SNX18: variants seen among roughly 807,000 people sequenced by gnomAD.
SNX18 encodes sorting nexin 18.
In SNX18, 35 loss-of-function variants were observed where a neutral mutation model predicts 48.7. The ratio of observed to expected loss-of-function variants is 0.72; its 90% CI spans 0.55 to 0.95. The LOEUF (loss-of-function observed/expected upper bound fraction) is 0.95, where lower values mean the gene tolerates loss of function less well. SNX18 is among the 40% of genes least tolerant of loss of function. SNX18 has a pLI of 0.00. For missense variants in SNX18, 824 were observed against 871.0 expected (o/e 0.95, Z 0.68); for synonymous variants, 492 against 384.7 (o/e 1.28, Z -3.26).
At chr5:54,568,792 G>T in the SNX18 span, among the ~76,000 whole-genome samples, 2 of 143,816 alleles carry the variant, frequency 1.4e-5, no homozygotes, top group African/African-American at 5.2e-5. Flanking sequence ...GAGTGCTTTA[G>T]TTCTTGCAAC....
At chr5:54,575,368 CTTT>C in the SNX18 span, among the ~76,000 whole-genome samples, 1,469 of 111,686 alleles carry the variant, frequency 0.013, 12 homozygotes, top group African/African-American at 0.043. Flanking sequence ...CTCCCCACTG[CTTT>C]TTTTTTTTTT....
At chr5:54,610,545 C>T in the SNX18 span, among the ~76,000 whole-genome samples, 37 of 152,252 alleles carry the variant, frequency 2.4e-4, no homozygotes, top group African/African-American at 8.9e-4. Context: ...CAGATGCTTC[C>T]CCTCTTGGCC....
At chr5:54,588,252 T>C in the SNX18 span, among the ~76,000 whole-genome samples, 5 of 150,536 alleles carry the variant, frequency 3.3e-5, no homozygotes, top group Non-Finnish European at 5.9e-5. Flanking sequence ...TAGAAGTCAT[T>C]TGAAAAAAAA....
At chr5:54,629,899 A>C in the SNX18 span, among the ~76,000 whole-genome samples, 1 of 152,238 alleles carries the variant, frequency 6.6e-6, no homozygotes, top group Non-Finnish European at 1.5e-5. Context: ...CTAAGAGATC[A>C]ATCCACCCTT....
intron 1 of SNX18, among the ~76,000 whole-genome samples, chr5:54,525,773 T>TA (rs1215495493): frequency 1.3e-5 from 2 of 152,136 alleles, no homozygotes; most frequent in Non-Finnish European, 2.9e-5. Flanking sequence ...TTGACTTTTT[T>TA]AAAAAAATAA....
chr5:54,615,017 A>G, the SNX18 span, among the ~76,000 whole-genome samples: 1 of 152,178 alleles, frequency 6.6e-6, no homozygotes, highest in Non-Finnish European at 1.5e-5. Context: ...CAACCAGTAC[A>G]TGACTCTAGG....
At chr5:54,571,283 C>A in the SNX18 span, among the ~76,000 whole-genome samples, 3 of 152,168 alleles carry the variant, frequency 2.0e-5, no homozygotes, top group African/African-American at 7.2e-5. Flanking sequence ...CGAGGCTGTC[C>A]ACTCTGTAAA....
chr5:54,616,089 G>A, the SNX18 span, among the ~76,000 whole-genome samples: 18 of 152,194 alleles, frequency 1.2e-4, no homozygotes, highest in African/African-American at 4.1e-4. Flanking sequence ...AATTGTCTTA[G>A]AGAACTTTGC....
At chr5:54,572,752 G>GTA in the SNX18 span, among the ~76,000 whole-genome samples, 61 of 39,502 alleles carry the variant, frequency 1.5e-3, no homozygotes, top group African/African-American at 5.2e-3. Flanking sequence ...GTGTGTGTGT[G>GTA]TGTATATATA....
chr5:54,586,717 G>T, the SNX18 span, among the ~76,000 whole-genome samples: 3 of 152,136 alleles, frequency 2.0e-5, no homozygotes, highest in South Asian at 6.2e-4. Flanking sequence ...CTATCACAAT[G>T]GCAATTGAAT....
chr5:54,554,789 G>C, the SNX18 span, among the ~76,000 whole-genome samples: 2 of 152,176 alleles, frequency 1.3e-5, no homozygotes, highest in East Asian at 3.9e-4. Flanking sequence ...GGAAGGGCAA[G>C]ACTTTCTGAG....
chr5:54,626,305 T>A, the SNX18 span, among the ~76,000 whole-genome samples: 63 of 152,334 alleles, frequency 4.1e-4, no homozygotes, highest in African/African-American at 1.5e-3. Context: ...GTACCCTAAA[T>A]ATGAGATAAT....
At chr5:54,570,756 AT>A in the SNX18 span, among the ~76,000 whole-genome samples, 165 of 152,332 alleles carry the variant, frequency 1.1e-3, no homozygotes, top group Non-Finnish European at 1.7e-3. Context: ...AGGATTCCAA[AT>A]ATTAAGGATA....
chr5:54,628,065 A>T, the SNX18 span, among the ~76,000 whole-genome samples: 30 of 152,222 alleles, frequency 2.0e-4, 1 homozygote, highest in South Asian at 5.6e-3. Context: ...ATAGGACCTG[A>T]CACACACCCA....
chr5:54,536,254 A>C (rs1268394900), intron 1 of SNX18, among the ~76,000 whole-genome samples: 2 of 151,974 alleles, frequency 1.3e-5, no homozygotes, highest in African/African-American at 4.8e-5. Context: ...ATTATACTTT[A>C]AGTTCTAGGG....
the SNX18 span, among the ~76,000 whole-genome samples, chr5:54,553,135 A>C: frequency 6.6e-6 from 1 of 152,142 alleles, no homozygotes; most frequent in Non-Finnish European, 1.5e-5. Flanking sequence ...TCCAGATCTT[A>C]GAGGGTCCTA....
At chr5:54,573,909 G>A in the SNX18 span, among the ~76,000 whole-genome samples, 5 of 151,394 alleles carry the variant, frequency 3.3e-5, no homozygotes, top group South Asian at 4.1e-4. Flanking sequence ...GGAGTAGCTC[G>A]GAAGTCAGCA....
intron 1 of SNX18, among the ~76,000 whole-genome samples, chr5:54,541,326 C>T (rs1762467049): frequency 6.6e-6 from 1 of 152,174 alleles, no homozygotes; most frequent in Non-Finnish European, 1.5e-5. Flanking sequence ...CCGCGCCCGG[C>T]CCTCCTGGTC....
the SNX18 span, among the ~76,000 whole-genome samples, chr5:54,594,274 T>A: frequency 1.3e-5 from 2 of 152,226 alleles, no homozygotes; most frequent in African/African-American, 4.8e-5. Flanking sequence ...GGCAAGTGTC[T>A]AACTGCAAAG....
Sources: allele counts gnomAD v4.1 joint callset (sites outside exome capture counted in the v4.1 genomes callset), GRCh38; gene constraint gnomAD v4.1.1; transcripts MANE v1.5; gene names NCBI Gene and HGNC (gene_info 2026-07-23, HGNC 2026-07-21).